Variants in MAST4 observed in about 807,000 individuals in gnomAD.
MAST4 encodes the protein microtubule-associated serine/threonine-protein kinase 4.
In MAST4, 89 loss-of-function variants were observed where a neutral mutation model predicts 162.7. The ratio of observed to expected loss-of-function variants is 0.55; its 90% CI spans 0.46 to 0.65. The LOEUF (loss-of-function observed/expected upper bound fraction) is 0.65. Among genes scored for constraint, MAST4 ranks in the 30% least tolerant of loss-of-function variants. MAST4 has a pLI of 0.00. For synonymous variants in MAST4, 1,479 were observed against 1,361.1 expected, an observed-to-expected ratio of 1.09 and a Z score of -1.91; for missense variants, 3,153 against 3,374.0, an observed-to-expected ratio of 0.93 and a Z score of 1.62.
intron 22 of MAST4, 145 bp from the exon 23 acceptor site, chr5:67,144,999 G>A (rs2151048295): frequency 2.3e-6 from 2 of 885,068 alleles, no homozygotes; most frequent in Non-Finnish European, 3.5e-6. Context: ...TTGCTGCTGT[G>A]GGTACCACAC....
In MAST4 at chr5:66,664,160, G is replaced by T. The variant is rs541773222; in HGVS notation, c.363+67142G>T. ...CTGAAAATCAGGAGTTTGAGGCTGG[G>T]TGTGGTGGCTCACGCCTGTAATCCC... On this transcript the variant is annotated intron_variant, in intron 1 of 28. Coordinates refer to ENST00000403625, the MANE Select transcript of MAST4 (RefSeq NM_001164664.2). 1.2e-4 allele frequency among the ~76,000 whole-genome samples: 19 copies of T among 152,204 alleles called. No individual in the cohort carries two copies. The South Asian group carries it at 3.9e-3, about 32-fold the overall frequency.
At chr5:66,633,643 A>T (rs1292162288) in intron 1 of MAST4, among the ~76,000 whole-genome samples, 1 of 152,222 alleles carries the variant, frequency 6.6e-6, no homozygotes, top group African/African-American at 2.4e-5. Context: ...AAAAACTTTT[A>T]AAGATAGTTT....
chr5:67,164,114 C>A lies in MAST4; in HGVS notation c.4935C>A (p.Leu1645=). The change falls in exon 29 of 29, where the codon CTC becomes CTA. Residue 1645 remains leucine (L), a synonymous_variant. Transcript: ENST00000403625. The surrounding 1 kb of genome is among the most constrained non-coding windows in gnomAD (Gnocchi z 5.3). The part of the protein sequence containing the change: ...DFRRAPAPGT[L]QDGLCHSLDR... ...GACGGGCCCCCGCTCCTGGCACCCT[C>A]CAGGATGGTCTCTGCCACTCCCTCG... The A allele has an allele frequency of 6.3e-7, 1 of 1,593,262 alleles. No homozygotes were observed. The highest frequency in any genetic ancestry group is 2.3e-5 in the East Asian group (1 of 44,004).
chr5:66,914,898 A>G (rs2150025884), intron 4 of MAST4, among the ~76,000 whole-genome samples: 1 of 152,294 alleles, frequency 6.6e-6, no homozygotes, highest in African/African-American at 2.4e-5. Flanking sequence ...AGACAACCCC[A>G]AAGAATTATC....
chr5:66,781,509 G>T lies in MAST4; in HGVS notation c.518-7161G>T, dbSNP rs566387273. ...TTTTGTTTCTAGTCCCTTAACTTCT[G>T]CAGTGCTACCCCTGTTCTTCCTGCC... is the stretch of plus-strand genomic sequence containing the variant. On this transcript the variant is annotated intron_variant, in intron 2 of 28. Transcript: ENST00000403625. Among the ~76,000 whole-genome samples the T allele has an allele frequency of 2.6e-5, 4 of 152,276 alleles. No homozygotes were observed. The East Asian group carries it at 7.7e-4, about 29-fold the overall frequency.
At chr5:66,770,105 A>AT (rs1255275665) in intron 2 of MAST4, among the ~76,000 whole-genome samples, 1 of 152,230 alleles carries the variant, frequency 6.6e-6, no homozygotes, top group Non-Finnish European at 1.5e-5. Context: ...ATGTCTCTAC[A>AT]TATTTTTCTG....
intron 1 of MAST4, among the ~76,000 whole-genome samples, chr5:66,708,855 T>C (rs1750312883): frequency 6.6e-6 from 1 of 152,094 alleles, no homozygotes; most frequent in African/African-American, 2.4e-5. Context: ...AAAATATAAA[T>C]GATCGGGGAA....
Position 66,983,695 on chromosome 5 carries a change from G to C in MAST4, c.675-70709G>C, listed in dbSNP as rs369754844. ...GGAGGGATTAGAGGTATTTGCTTTT[G>C]TCATGTTGTGATTTGGTTATTTCAT... On this transcript the variant is annotated intron_variant, in intron 4 of 28. Coordinates refer to ENST00000403625, the MANE Select transcript of MAST4 (RefSeq NM_001164664.2). Among the ~76,000 whole-genome samples, 136 of 152,240 alleles carry C rather than the reference G, an allele frequency of 8.9e-4. 3 individuals are homozygous for C. In the South Asian group the frequency reaches 0.027, roughly 30 times the overall value.
chr5:67,022,786 A>G (rs1754144137), intron 4 of MAST4, among the ~76,000 whole-genome samples: 3 of 152,196 alleles, frequency 2.0e-5, no homozygotes, highest in Admixed American at 2.0e-4. Context: ...CTGTTTGTGT[A>G]ATGTATGATG....
chr5:66,882,488 C>T (rs1420967997), intron 3 of MAST4, among the ~76,000 whole-genome samples: 3 of 152,056 alleles, frequency 2.0e-5, no homozygotes, highest in African/African-American at 4.8e-5. Flanking sequence ...CTTAACTGTA[C>T]TGATCATTTA....
At position 66,759,759 on chromosome 5, in the gene MAST4, C is replaced by T. The variant is rs1753749035; in HGVS notation, c.414C>T (p.Asn138=). 3 of 1,613,956 alleles carry T rather than the reference C, an allele frequency of 1.9e-6. No homozygotes were observed. Among genetic ancestry groups the T allele is most frequent in the East Asian group, 4.5e-5 (2 of 44,880 alleles). ...PPPMPFRKCS[N]PDVASGPGKS... is the part of the protein sequence containing the mutation. ...CCATGCCGTTTCGGAAATGCAGCAA[C>T]CCAGATGTGGCTTCTGGCCCTGGAA... The change falls in exon 2 of 29, where the codon AAC becomes AAT. Residue 138 remains asparagine, a synonymous_variant. Transcript: ENST00000403625.
chr5:66,954,900 C>CAAAAAAAAAAAAAAAAAAAAAA (rs538274808), intron 4 of MAST4, among the ~76,000 whole-genome samples: 6 of 139,430 alleles, frequency 4.3e-5, no homozygotes, highest in African/African-American at 1.7e-4. Context: ...GACTCTGTCT[C>CAAAAAAAAAAAAAAAAAAAAAA]AAAAAAAAAA....
At chr5:66,965,225 CTTTT>C (rs1187971815) in intron 4 of MAST4, among the ~76,000 whole-genome samples, 12 of 84,904 alleles carry the variant, frequency 1.4e-4, no homozygotes, top group African/African-American at 5.0e-4. Context: ...TTTTTTTTTG[CTTTT>C]TTTTTTTTTT....
At chr5:67,108,784 A>AT (rs1457166220) in intron 10 of MAST4, among the ~76,000 whole-genome samples, 2 of 152,140 alleles carry the variant, frequency 1.3e-5, no homozygotes, top group African/African-American at 2.4e-5. Flanking sequence ...TTTTTTATAA[A>AT]TTTGATCTCT....
intron 3 of MAST4, among the ~76,000 whole-genome samples, chr5:66,861,298 G>T (rs1760100206): frequency 6.6e-6 from 1 of 152,224 alleles, no homozygotes; most frequent in Admixed American, 6.5e-5. Context: ...AATTGGGTCA[G>T]TGTTAAAGGT....
chr5:67,153,183 G>A (rs949065265), intron 25 of MAST4, among the ~76,000 whole-genome samples: 2 of 151,944 alleles, frequency 1.3e-5, no homozygotes, highest in Non-Finnish European at 2.9e-5. Flanking sequence ...TTTTAAAAAT[G>A]ACCTTCTCAA....
chr5:66,688,999 C>CT (rs1023186969), intron 1 of MAST4, among the ~76,000 whole-genome samples: 3 of 152,080 alleles, frequency 2.0e-5, no homozygotes, highest in African/African-American at 7.2e-5. Flanking sequence ...CTCAAAAGGG[C>CT]TTTTTTCCAA....
chr5:66,745,568 G>T (rs1445616140), intron 1 of MAST4, among the ~76,000 whole-genome samples: 1 of 152,208 alleles, frequency 6.6e-6, no homozygotes, highest in African/African-American at 2.4e-5. Flanking sequence ...TACCTGAGAG[G>T]ACTGTAACCT....
chr5:67,095,221 C>G (rs546885046), intron 6 of MAST4, among the ~76,000 whole-genome samples: 1 of 152,182 alleles, frequency 6.6e-6, no homozygotes, highest in Non-Finnish European at 1.5e-5. Flanking sequence ...TTAGCCCCTT[C>G]CAAAGATCAT....
Sources: allele counts gnomAD v4.1 joint callset (sites outside exome capture counted in the v4.1 genomes callset), GRCh38; gene constraint gnomAD v4.1.1; non-coding constraint Gnocchi (gnomAD v3.1); transcripts MANE v1.5; gene names NCBI Gene and HGNC (gene_info 2026-07-23, HGNC 2026-07-21).